The following SLC1A2 variants were observed in gnomAD, a reference collection of about 807,000 sequenced individuals.
SLC1A2 encodes solute carrier family 1 member 2, also known as excitatory amino acid transporter 2.
SLC1A2 carries 15 observed loss-of-function variants against 48.8 expected under a neutral mutation model. That is an observed-to-expected ratio of 0.31 (90% CI 0.21 to 0.47). The LOEUF is 0.47. Among genes scored for constraint, SLC1A2 ranks in the 20% least tolerant of loss-of-function variants. The pLI, the probability that SLC1A2 is intolerant of heterozygous loss-of-function variation, is 0.99. For synonymous variants in SLC1A2, 279 were observed against 272.6 expected (o/e 1.02, Z -0.23); for missense variants, 502 against 730.5 (o/e 0.69, Z 3.61).
At chr11:35,261,613 C>A (rs533217962) in intron 10 of SLC1A2, 2 of 398,286 alleles carry the variant, frequency 5.0e-6, no homozygotes, top group African/African-American at 2.1e-5. Flanking sequence ...GTGAACTGAA[C>A]CTTTTTGCAG....
intron 1 of SLC1A2, among the ~76,000 whole-genome samples, chr11:35,330,897 C>T (rs1852404337): frequency 6.6e-6 from 1 of 152,216 alleles, no homozygotes; most frequent in African/African-American, 2.4e-5. Flanking sequence ...GATTTCTGGC[C>T]TCCAGAACTA....
At chr11:35,298,283 C>T (rs893392723) in intron 6 of SLC1A2, 7 of 151,810 alleles carry the variant, frequency 4.6e-5, no homozygotes, top group African/African-American at 9.7e-5. Flanking sequence ...GTACTGTAAC[C>T]GAAATAGTAC....
At chr11:35,420,135 ATTT>A (rs561948166), upstream of SLC1A2, 158 of 149,408 alleles carry the variant, frequency 1.1e-3, no homozygotes, top group South Asian at 4.7e-3. Flanking sequence ...GGAGGCCGGG[ATTT>A]TTTTTTTTTT....
intron 6 of SLC1A2, among the ~76,000 whole-genome samples, chr11:35,293,778 C>A (rs779709197): frequency 2.3e-4 from 35 of 152,160 alleles, no homozygotes; most frequent in Non-Finnish European, 3.4e-4. Flanking sequence ...CTGGAGCAAA[C>A]ACTTTCCTGG....
At chr11:35,309,408 C>T (rs3794085) in intron 4 of SLC1A2, among the ~76,000 whole-genome samples, 2,375 of 152,282 alleles carry the variant, frequency 0.016, 50 homozygotes, top group East Asian at 0.092. Context: ...AGAACCCATG[C>T]GGTCTCTATT....
chr11:35,320,583 G>A (rs1852024270), intron 1 of SLC1A2, among the ~76,000 whole-genome samples: 1 of 152,242 alleles, frequency 6.6e-6, no homozygotes, highest in African/African-American at 2.4e-5. Flanking sequence ...AGGAGGGCAA[G>A]ATTGTGATCT....
chr11:35,308,145 G>A (rs1007726839), intron 4 of SLC1A2, among the ~76,000 whole-genome samples: 2 of 152,186 alleles, frequency 1.3e-5, no homozygotes, highest in Non-Finnish European at 1.5e-5. Flanking sequence ...AATGAATGGT[G>A]GCTGTCAGGA....
At chr11:35,286,639 A>T in intron 8 of SLC1A2, 118 bp downstream of exon 8, 3 of 683,112 alleles carry the variant, frequency 4.4e-6, no homozygotes, top group East Asian at 2.8e-5. Context: ...CTCTTTTTTT[A>T]TTACCTTCAT....
rs1295956844 is a variant in SLC1A2, at chr11:35,419,275, AG to A, written c.-310del. ...GCTTCCCCGAGAGAGCGATGCGCCC[AG>A]GGCTGCAGGAGGGCGCACGCCGGCG... On this transcript the variant is annotated 5_prime_UTR_variant, in exon 1 of 11. Coordinates refer to ENST00000278379, the MANE Select transcript of SLC1A2 (RefSeq NM_004171.4). This position sits in a 1 kb window ranked among gnomAD's most constrained non-coding sequence, Gnocchi z 5.4. The A allele has an allele frequency of 9.2e-6, 3 of 326,024 alleles. No individual in the cohort carries two copies. The highest frequency in any genetic ancestry group is 1.7e-5 in the Non-Finnish European group (3 of 181,278). The allele number at this position is 326,024 out of a possible 1,614,324, so 20.2% of individuals were successfully genotyped here.
chr11:35,380,346 G>C (rs1423862142), intron 1 of SLC1A2: 1 of 398,480 alleles, frequency 2.5e-6, no homozygotes, highest in Non-Finnish European at 4.4e-6. Context: ...TGAAAAATAA[G>C]CCAGGTTGTA....
At chr11:35,273,794 G>T (rs1311743438) in intron 9 of SLC1A2, among the ~76,000 whole-genome samples, 1 of 152,224 alleles carries the variant, frequency 6.6e-6, no homozygotes, top group Non-Finnish European at 1.5e-5. Context: ...GGAAGGGGCA[G>T]GACCAGGATG....
intron 1 of SLC1A2, among the ~76,000 whole-genome samples, chr11:35,347,249 G>C (rs1334946572): frequency 6.6e-6 from 1 of 152,210 alleles, no homozygotes; most frequent in African/African-American, 2.4e-5. Flanking sequence ...GTGCGAAGGA[G>C]CAATGGTCAG....
intron 1 of SLC1A2, among the ~76,000 whole-genome samples, chr11:35,333,222 T>C (rs1198009869): frequency 1.3e-5 from 2 of 152,000 alleles, no homozygotes; most frequent in African/African-American, 4.8e-5. Flanking sequence ...AGACCAGCCT[T>C]GCCAAAATGG....
intron 1 of SLC1A2, among the ~76,000 whole-genome samples, chr11:35,381,352 G>A (rs1479637696): frequency 1.3e-5 from 2 of 152,048 alleles, no homozygotes; most frequent in Non-Finnish European, 2.9e-5. Context: ...CATTTTCTCT[G>A]AGGATGCTGT....
chr11:35,277,135 TA>T (rs1465727057), intron 9 of SLC1A2, among the ~76,000 whole-genome samples: 1 of 152,218 alleles, frequency 6.6e-6, no homozygotes, highest in East Asian at 1.9e-4. Flanking sequence ...CACCTCTTAA[TA>T]TTGTTACAAT....
At chr11:35,309,548 T>C (rs1429157253) in intron 4 of SLC1A2, among the ~76,000 whole-genome samples, 3 of 152,150 alleles carry the variant, frequency 2.0e-5, no homozygotes, top group Non-Finnish European at 4.4e-5. Flanking sequence ...CACAGGGACT[T>C]AACTTGGGCA....
intron 8 of SLC1A2, among the ~76,000 whole-genome samples, chr11:35,284,830 T>C (rs1268798104): frequency 6.6e-6 from 1 of 152,228 alleles, no homozygotes; most frequent in Non-Finnish European, 1.5e-5. Context: ...TTTCCAGCAC[T>C]GCTACAGACA....
At chr11:35,373,444 C>G (rs1156536609) in intron 1 of SLC1A2, among the ~76,000 whole-genome samples, 1 of 152,128 alleles carries the variant, frequency 6.6e-6, no homozygotes, top group Non-Finnish European at 1.5e-5. Context: ...AGGAACCAAG[C>G]AAAGGGCTGG....
chr11:35,279,164 C>T lies in SLC1A2; in HGVS notation c.1421+1703G>A, dbSNP rs113253725. Among the ~76,000 whole-genome samples, 1,030 of 152,316 alleles carry T rather than the reference C, an allele frequency of 6.8e-3. 11 individuals carry two copies. The highest frequency in any genetic ancestry group is 0.024 in the African/African-American group (977 of 41,568). On this transcript the variant is annotated intron_variant, in intron 9 of 10. Transcript: ENST00000278379. Reference sequence around the variant, plus strand: ...TGGGCCAGCACTTGTCACTCTGTGCCTCTGACATTGAAGACTGGCATTGCC... The same window carrying T: ...TGGGCCAGCACTTGTCACTCTGTGCTTCTGACATTGAAGACTGGCATTGCC...
Sources: allele counts gnomAD v4.1 joint callset (sites outside exome capture counted in the v4.1 genomes callset), GRCh38; gene constraint gnomAD v4.1.1; non-coding constraint Gnocchi (gnomAD v3.1); transcripts MANE v1.5; gene names NCBI Gene and HGNC (gene_info 2026-07-23, HGNC 2026-07-21).